Variants in NUP37 observed in about 807,000 individuals in gnomAD.
NUP37 encodes nucleoporin 37, also known as nucleoporin Nup37.
NUP37 carries 33 observed loss-of-function variants against 45.4 expected under a neutral mutation model. The observed-to-expected ratio is 0.73, with a 90% CI of 0.55 to 0.97. NUP37 has a LOEUF of 0.97. Among genes scored for constraint, NUP37 ranks in the 50% least tolerant of loss-of-function variants. NUP37 has a pLI of 0.00. For synonymous variants in NUP37, 127 were observed against 130.7 expected, an observed-to-expected ratio of 0.97 and a Z score of 0.19; for missense variants, 365 against 389.7, an observed-to-expected ratio of 0.94 and a Z score of 0.53.
intron 3 of NUP37, among the ~76,000 whole-genome samples, chr12:102,107,935 C>T (rs570780400): frequency 6.6e-6 from 1 of 152,320 alleles, no homozygotes; most frequent in African/African-American, 2.4e-5. Context: ...GAGGGGCACA[C>T]TGGCAGCCTC....
intron 5 of NUP37, among the ~76,000 whole-genome samples, chr12:102,091,593 T>C (rs1274537851): frequency 1.3e-5 from 2 of 152,108 alleles, no homozygotes; most frequent in African/African-American, 4.8e-5. Context: ...AGTACATATT[T>C]AAATGTTTGC....
intron 5 of NUP37, among the ~76,000 whole-genome samples, chr12:102,086,165 C>A (rs1026972600): frequency 7.2e-5 from 11 of 152,012 alleles, no homozygotes; most frequent in African/African-American, 2.4e-4. Context: ...ATTTTGTGGG[C>A]AAAATCTTGA....
chr12:102,090,874 A>G (rs991914429), intron 5 of NUP37, among the ~76,000 whole-genome samples: 1 of 152,234 alleles, frequency 6.6e-6, no homozygotes, highest in African/African-American at 2.4e-5. Flanking sequence ...TAAGGCAGGT[A>G]GGCATTCTTT....
intron 6 of NUP37, chr12:102,079,067 A>G (rs1879261954): frequency 2.1e-5 from 8 of 388,788 alleles, no homozygotes; most frequent in South Asian, 1.6e-4. Flanking sequence ...ACTTTTAAGC[A>G]GTGTTCTTTT....
intron 3 of NUP37, among the ~76,000 whole-genome samples, chr12:102,110,876 A>C (rs1349162564): frequency 1.3e-5 from 2 of 152,198 alleles, no homozygotes; most frequent in Non-Finnish European, 2.9e-5. Flanking sequence ...GAGAGTAGGA[A>C]GACCACCCTT....
intron 3 of NUP37, among the ~76,000 whole-genome samples, chr12:102,104,806 A>G (rs1175461477): frequency 6.6e-6 from 1 of 152,230 alleles, no homozygotes; most frequent in Non-Finnish European, 1.5e-5. Context: ...ATTGGTCTAC[A>G]TATTTATCTT....
chr12:102,102,716 G>A (rs1307523478), intron 3 of NUP37, among the ~76,000 whole-genome samples: 1 of 152,078 alleles, frequency 6.6e-6, no homozygotes, highest in Non-Finnish European at 1.5e-5. Flanking sequence ...TTTTCTTCTA[G>A]CCATTTTACA....
intron 2 of NUP37, among the ~76,000 whole-genome samples, chr12:102,115,331 G>T (rs1880433928): frequency 6.6e-6 from 1 of 152,182 alleles, no homozygotes; most frequent in Admixed American, 6.5e-5. Flanking sequence ...AATGTGGCTA[G>T]TTCTATTTGA....
At chr12:102,074,807 G>T in intron 9 of NUP37, 194 bp downstream of exon 9, 1 of 462,408 alleles carries the variant, frequency 2.2e-6, no homozygotes. Context: ...TGTTGTCACT[G>T]GTAATGTAAA....
Position 102,114,081 on chromosome 12 carries a change from G to A in NUP37, c.157-1849C>T, listed in dbSNP as rs150612630. Among the ~76,000 whole-genome samples, 3 of 152,336 alleles carry A rather than the reference G, an allele frequency of 2.0e-5. No homozygotes were observed. The East Asian group carries it at 5.8e-4, about 29-fold the overall frequency. ...AATTTTACTACTTCGTAATTTGTGT[G>A]TATAATAGTTGTATAGCTAACAGCC... On this transcript the variant is annotated intron_variant, in intron 2 of 9. Transcript: ENST00000552283.
At chr12:102,094,966 G>T (rs958320336) in intron 5 of NUP37, among the ~76,000 whole-genome samples, 2 of 151,978 alleles carry the variant, frequency 1.3e-5, no homozygotes, top group African/African-American at 2.4e-5. Flanking sequence ...TGAGGAGGAG[G>T]GATGGGATTT....
intron 4 of NUP37, among the ~76,000 whole-genome samples, chr12:102,099,405 C>T (rs2136738891): frequency 6.6e-6 from 1 of 152,248 alleles, no homozygotes; most frequent in South Asian, 2.1e-4. Flanking sequence ...ATTGATCATT[C>T]AACACACTAT....
chr12:102,114,497 G>A (rs1377761499), intron 2 of NUP37, among the ~76,000 whole-genome samples: 1 of 152,158 alleles, frequency 6.6e-6, no homozygotes, highest in Non-Finnish European at 1.5e-5. Flanking sequence ...TTAGTTTGGG[G>A]TATAAGCAGA....
At chr12:102,076,906 A>T in intron 7 of NUP37, 59 bp from the exon 8 acceptor site, 2 of 1,246,768 alleles carry the variant, frequency 1.6e-6, no homozygotes, top group Non-Finnish European at 2.3e-6. Flanking sequence ...GGGTGAACTT[A>T]AGGTTTAAAC....
intron 5 of NUP37, 41 bp from the exon 6 acceptor site, chr12:102,085,897 A>G (rs755966307): frequency 6.4e-6 from 6 of 938,642 alleles, no homozygotes; most frequent in African/African-American, 1.7e-5. Context: ...TGTTCTTGAT[A>G]TATCATTACT....
intron 5 of NUP37, among the ~76,000 whole-genome samples, chr12:102,094,132 T>A (rs971061853): frequency 7.2e-5 from 11 of 152,092 alleles, no homozygotes; most frequent in African/African-American, 2.7e-4. Flanking sequence ...CGACAAAGAA[T>A]CTCTATGTTC....
At chr12:102,100,628 C>T (rs899743875) in intron 4 of NUP37, among the ~76,000 whole-genome samples, 1 of 152,166 alleles carries the variant, frequency 6.6e-6, no homozygotes, top group Non-Finnish European at 1.5e-5. Context: ...AGGAATCTGG[C>T]TTCTGTGTCT....
chr12:102,074,975 T>C (rs968676136), intron 9 of NUP37, 26 bp downstream of exon 9: 6 of 1,390,304 alleles, frequency 4.3e-6, no homozygotes, highest in Non-Finnish European at 5.9e-6. Context: ...AAAAAGCACG[T>C]ATGTTACAAA....
chr12:102,112,386 T>TA (rs971520512), intron 2 of NUP37, among the ~76,000 whole-genome samples, 154 bp from the exon 3 acceptor site: 63 of 151,796 alleles, frequency 4.2e-4, no homozygotes, highest in Non-Finnish European at 6.3e-4. Context: ...TTCATTGAAT[T>TA]AAAAAAAAAT....
Sources: gnomAD v4.1 joint callset for allele counts (sites outside exome capture counted in the v4.1 genomes callset) on GRCh38, gnomAD v4.1.1 for gene constraint, MANE v1.5 for transcripts, NCBI Gene and HGNC (gene_info 2026-07-23, HGNC 2026-07-21) for gene names.